GLIS3: variants seen among roughly 807,000 people sequenced by gnomAD.
The protein encoded by GLIS3 is GLIS family zinc finger 3, also known as zinc finger protein GLIS3.
Under a neutral mutation model 78.6 loss-of-function variants are expected in GLIS3, and 53 were observed. The observed-to-expected ratio is 0.67, with a 90% CI of 0.54 to 0.85. The LOEUF (loss-of-function observed/expected upper bound fraction) is 0.85, where lower values mean the gene tolerates loss of function less well. Ranked by LOEUF, GLIS3 falls within the 40% of genes least tolerant of loss-of-function variation. GLIS3 has a pLI of 0.00. For synonymous variants in GLIS3, 684 were observed against 509.9 expected (o/e 1.34, Z -4.60); for missense variants, 1,703 against 1,231.1 (o/e 1.38, Z -5.74).
the GLIS3 span, among the ~76,000 whole-genome samples, chr9:4,406,941 A>T: frequency 6.6e-6 from 1 of 152,190 alleles, no homozygotes; most frequent in South Asian, 2.1e-4. Flanking sequence ...ATAGAAAAAC[A>T]ATTCTAAAAT....
chr9:4,233,682 C>A (rs948537162), intron 2 of GLIS3, among the ~76,000 whole-genome samples: 3 of 152,204 alleles, frequency 2.0e-5, no homozygotes, highest in Admixed American at 1.3e-4. Flanking sequence ...CTTAAAGTTA[C>A]CAGCTGCATT....
At chr9:3,902,096 T>C (rs1813596048) in intron 6 of GLIS3, among the ~76,000 whole-genome samples, 1 of 152,194 alleles carries the variant, frequency 6.6e-6, no homozygotes, top group Non-Finnish European at 1.5e-5. Flanking sequence ...AGACGGGCAA[T>C]TCTTTCTTAG....
At chr9:4,303,870 G>A (rs946283898), upstream of GLIS3, among the ~76,000 whole-genome samples, 6 of 152,122 alleles carry the variant, frequency 3.9e-5, no homozygotes, top group African/African-American at 7.2e-5. Flanking sequence ...ACAATATTCC[G>A]CAGGCAGCCA....
chr9:4,126,200 T>C (rs886813612), intron 2 of GLIS3, among the ~76,000 whole-genome samples: 5 of 152,226 alleles, frequency 3.3e-5, no homozygotes, highest in African/African-American at 9.6e-5. Context: ...TGTCCAGTTA[T>C]ATTAAAAATC....
upstream of GLIS3, among the ~76,000 whole-genome samples, chr9:4,348,584 A>T (rs890474486): frequency 1.3e-5 from 2 of 152,246 alleles, no homozygotes; most frequent in African/African-American, 4.8e-5. Flanking sequence ...AATTGGACAT[A>T]ATATAGTCCC....
At chr9:4,281,248 T>A (rs1827519537) in intron 2 of GLIS3, among the ~76,000 whole-genome samples, 1 of 152,242 alleles carries the variant, frequency 6.6e-6, no homozygotes, top group Non-Finnish European at 1.5e-5. Flanking sequence ...GATTTTCACT[T>A]AGTATTTGCT....
intron 2 of GLIS3, among the ~76,000 whole-genome samples, chr9:4,127,991 G>A (rs780840392): frequency 3.5e-4 from 54 of 152,240 alleles, no homozygotes; most frequent in African/African-American, 1.2e-3. Flanking sequence ...ATTATTTTAC[G>A]TACCAGTAAG....
intron 4 of GLIS3, 59 bp downstream of exon 4, chr9:4,117,709 C>T (rs1484226611): frequency 1.2e-6 from 2 of 1,603,046 alleles, no homozygotes; most frequent in Non-Finnish European, 1.7e-6. Flanking sequence ...AAAAAACACA[C>T]GTACGCAAAG....
intron 2 of GLIS3, among the ~76,000 whole-genome samples, chr9:4,245,101 C>T (rs145442858): frequency 1.8e-4 from 27 of 152,236 alleles, no homozygotes; most frequent in African/African-American, 4.8e-4. Flanking sequence ...GTTGCTGTAA[C>T]GTGTCTAGGT....
chr9:4,095,472 G>C (rs889776385), intron 4 of GLIS3, among the ~76,000 whole-genome samples: 8 of 152,210 alleles, frequency 5.3e-5, no homozygotes, highest in African/African-American at 1.4e-4. Context: ...GGTGGGACTA[G>C]ATTGGGAGGG....
chr9:4,300,557 T>C (rs972188154), upstream of GLIS3, among the ~76,000 whole-genome samples: 1 of 152,114 alleles, frequency 6.6e-6, no homozygotes, highest in Admixed American at 6.5e-5. Flanking sequence ...TTTCCAAGTA[T>C]AGGCAGGGAA....
At chr9:4,236,562 A>G (rs1822772031) in intron 2 of GLIS3, among the ~76,000 whole-genome samples, 1 of 152,174 alleles carries the variant, frequency 6.6e-6, no homozygotes, top group Non-Finnish European at 1.5e-5. Context: ...TCATTTTAAG[A>G]AAACCTGGGT....
chr9:3,985,097 A>G, intron 4 of GLIS3, among the ~76,000 whole-genome samples: 1 of 20,050 alleles, frequency 5.0e-5, no homozygotes, highest in East Asian at 7.3e-4. Flanking sequence ...CTCAATTCAC[A>G]AAAAAAAAAA....
the GLIS3 span, among the ~76,000 whole-genome samples, chr9:4,433,531 G>C: frequency 1.3e-5 from 2 of 152,182 alleles, no homozygotes; most frequent in African/African-American, 2.4e-5. Flanking sequence ...AAAATTCCTG[G>C]AAGGGTGTAC....
chr9:3,949,711 C>T (rs553940103), intron 4 of GLIS3, among the ~76,000 whole-genome samples: 1 of 152,248 alleles, frequency 6.6e-6, no homozygotes, highest in Admixed American at 6.5e-5. Flanking sequence ...ATTAGGTGCT[C>T]AACAAATTGT....
At chr9:4,341,106 G>A (rs1467065807) in intron 2 of GLIS3, among the ~76,000 whole-genome samples, 1 of 152,188 alleles carries the variant, frequency 6.6e-6, no homozygotes, top group Non-Finnish European at 1.5e-5. Flanking sequence ...CCAATGGTAT[G>A]CTTAGAACTT....
intron 2 of GLIS3, among the ~76,000 whole-genome samples, chr9:4,201,090 A>C (rs941765196): frequency 6.6e-6 from 1 of 152,204 alleles, no homozygotes; most frequent in Non-Finnish European, 1.5e-5. Flanking sequence ...AAACCACTCG[A>C]TCATCTCAAT....
chr9:4,277,411 T>C (rs2130242235), intron 2 of GLIS3, among the ~76,000 whole-genome samples: 1 of 152,330 alleles, frequency 6.6e-6, no homozygotes, highest in East Asian at 1.9e-4. Flanking sequence ...TGAAACTTGA[T>C]GTATTATTTA....
At chr9:4,236,201 A>AAG (rs1563805058) in intron 2 of GLIS3, among the ~76,000 whole-genome samples, 1 of 146,648 alleles carries the variant, frequency 6.8e-6, no homozygotes, top group Non-Finnish European at 1.5e-5. Flanking sequence ...AAAAAAAAAA[A>AAG]AAAAAAGAAA....
Sources: allele counts gnomAD v4.1 joint callset (sites outside exome capture counted in the v4.1 genomes callset), GRCh38; gene constraint gnomAD v4.1.1; transcripts MANE v1.5; gene names NCBI Gene and HGNC (gene_info 2026-07-23, HGNC 2026-07-21).